The following EP400 variants were observed in gnomAD, a reference collection of about 807,000 sequenced individuals.
The protein encoded by EP400 is E1A-binding protein p400.
In EP400, 105 loss-of-function variants were observed where a neutral mutation model predicts 354.1. That is an observed-to-expected ratio of 0.30 (90% CI 0.25 to 0.35). EP400 has a LOEUF of 0.35. Ranked by LOEUF, EP400 falls within the 10% of genes least tolerant of loss-of-function variation. The pLI is 1.00. For missense variants in EP400, 3,280 were observed against 4,121.0 expected (o/e 0.80, Z 5.59); for synonymous variants, 1,646 against 1,716.9 (o/e 0.96, Z 1.02).
rs1363252492 is a variant in EP400 at position 131,961,904 on chromosome 12, G to C, written c.1285G>C (p.Glu429Gln). Residue 429 changes from glutamate to glutamine, a missense_variant, in exon 2 of 53, where the codon GAG becomes CAG. By Grantham distance (29) the Glu-to-Gln change is conservative (BLOSUM62 2). This residue lies in a region of EP400 where 800 missense variants were observed against 840.0 expected (regional missense o/e 0.95). Coordinates refer to ENST00000389561, the MANE Select transcript of EP400 (RefSeq NM_015409.5). ...GAATGATTTGGACATTGAAGAAGAG[G>C]AGGAGGAGGAGGAAGAGGAGGAAGA... Reference protein sequence around the residue: ...RQNDLDIEEEEEEEEEEEEKS... With the variant: ...RQNDLDIEEEQEEEEEEEEKS... 4 of 1,613,180 alleles carry C rather than the reference G, an allele frequency of 2.5e-6. No homozygotes were observed. Among genetic ancestry groups the C allele is most frequent in the Non-Finnish European group, 3.4e-6 (4 of 1,179,450 alleles).
In EP400 at chr12:132,033,644, G is replaced by A. The variant is rs533416142; in HGVS notation, c.5951+1495G>A. On this transcript the variant is annotated intron_variant, in intron 30 of 52. Transcript: ENST00000389561. Reference sequence around the variant, plus strand: ...TCTCCTAGGCTCAGGTAATCCTCCCGGCTCAGCCTCCCAAGTGGCTGGGAC... The same window carrying A: ...TCTCCTAGGCTCAGGTAATCCTCCCAGCTCAGCCTCCCAAGTGGCTGGGAC... Among the ~76,000 whole-genome samples, 24 of 151,544 alleles carry A rather than the reference G, an allele frequency of 1.6e-4. No individual in the cohort carries two copies. The East Asian group carries it at 1.9e-3, about 12-fold the overall frequency.
chr12:131,956,597 C>T (rs1006213187), intron 1 of EP400, among the ~76,000 whole-genome samples: 8 of 152,036 alleles, frequency 5.3e-5, no homozygotes, highest in African/African-American at 1.9e-4. Flanking sequence ...GGGTTCATTC[C>T]ACTTTCCTAC....
At chr12:132,072,136 C>T (rs748118749) in intron 51 of EP400, among the ~76,000 whole-genome samples, 1 of 152,188 alleles carries the variant, frequency 6.6e-6, no homozygotes, top group Non-Finnish European at 1.5e-5. Flanking sequence ...CTTGTCAGGT[C>T]TGTTTCTGAG....
At chr12:131,954,993 A>C (rs1243177558) in intron 1 of EP400, among the ~76,000 whole-genome samples, 1 of 152,200 alleles carries the variant, frequency 6.6e-6, no homozygotes. Flanking sequence ...ACTATACTGC[A>C]GCCTGGGTGA....
chr12:131,978,169 A>G (rs1566169421), intron 2 of EP400, among the ~76,000 whole-genome samples: 1 of 152,154 alleles, frequency 6.6e-6, no homozygotes, highest in African/African-American at 2.4e-5. Flanking sequence ...AAAAAACATG[A>G]TTTTTTACGA....
At chr12:131,951,973 A>G (rs1593303996) in intron 1 of EP400, among the ~76,000 whole-genome samples, 1 of 147,000 alleles carries the variant, frequency 6.8e-6, no homozygotes. Context: ...TTTAGTAGAG[A>G]GGGGGTTTCA....
rs1894339658 is a variant in EP400 at position 132,027,333 on chromosome 12, T to C, written c.5015-104T>C. ...CATGCCGTTGCAGAATGACTTTCTG[T>C]GGAGTGTGCTGGTGGAGGGTGAGGT... On this transcript the variant is annotated intron_variant, in intron 25 of 52. Transcript: ENST00000389561. The surrounding 1 kb of genome is among the most constrained non-coding windows in gnomAD (Gnocchi z 4.9). 1.8e-6 allele frequency: 2 copies of C among 1,116,562 alleles called. No individual in the cohort carries two copies. Among genetic ancestry groups the C allele is most frequent in the East Asian group, 2.4e-5 (1 of 41,246 alleles). 69.2% of individuals were successfully genotyped at this position (1,116,562 alleles called of 1,614,324 possible).
intron 7 of EP400, among the ~76,000 whole-genome samples, chr12:131,989,498 G>GT (rs2136502206): frequency 6.6e-6 from 1 of 152,350 alleles, no homozygotes; most frequent in African/African-American, 2.4e-5. Context: ...CCCATTTGAG[G>GT]TTCTGTTGGT....
intron 3 of EP400, among the ~76,000 whole-genome samples, chr12:131,981,119 G>A (rs1054601533): frequency 2.0e-5 from 3 of 152,140 alleles, no homozygotes; most frequent in Non-Finnish European, 4.4e-5. Context: ...CATTCCCTGT[G>A]TGCTGGGCAT....
chr12:131,996,349 T>G (rs562512356), intron 12 of EP400, among the ~76,000 whole-genome samples: 8 of 147,532 alleles, frequency 5.4e-5, no homozygotes, highest in Admixed American at 1.4e-4. Context: ...TGGAGTGCAG[T>G]GGCGTGATCT....
At chr12:131,970,970 G>A (rs944484592) in intron 2 of EP400, among the ~76,000 whole-genome samples, 3 of 152,146 alleles carry the variant, frequency 2.0e-5, no homozygotes, top group South Asian at 4.1e-4. Flanking sequence ...TGGAGAGGCC[G>A]AGGCTGTAGG....
chr12:132,069,731 C>G, intron 51 of EP400, 90 bp downstream of exon 51: 2 of 1,556,168 alleles, frequency 1.3e-6, no homozygotes, highest in Non-Finnish European at 1.7e-6. Flanking sequence ...GAGCTCCCAG[C>G]CCTTGCGGCT....
rs1239251596 is a variant in EP400 at position 132,031,883 on chromosome 12, T to C, written c.5755-70T>C. On this transcript the variant is annotated intron_variant, in intron 29 of 52. Transcript: ENST00000389561. Reference sequence around the variant, plus strand: ...TGTGGGATTATTTCTAATTAATAAATGTTGAAACGTGTCAAAGGTTTCCCA... The same window carrying C: ...TGTGGGATTATTTCTAATTAATAAACGTTGAAACGTGTCAAAGGTTTCCCA... 14 of 1,471,128 alleles carry C rather than the reference T, an allele frequency of 9.5e-6. No individual in the cohort carries two copies. The East Asian group carries it at 1.4e-4, about 15-fold the overall frequency. The allele number at this position is 1,471,128 out of a possible 1,614,324, so 91.1% of individuals were successfully genotyped here. A position where few individuals can be genotyped will look rare whatever the true frequency, so the allele number is the denominator to read the frequency against.
chr12:132,059,796 A>G (rs1895628261), intron 45 of EP400, among the ~76,000 whole-genome samples: 1 of 152,082 alleles, frequency 6.6e-6, no homozygotes, highest in African/African-American at 2.4e-5. Flanking sequence ...CGGGCGGATC[A>G]CGAGGTCAGG....
intron 14 of EP400, 93 bp downstream of exon 14, chr12:132,006,395 A>G: frequency 7.1e-7 from 1 of 1,418,036 alleles, no homozygotes; most frequent in Non-Finnish European, 9.5e-7. Flanking sequence ...TCCCAGTGAA[A>G]TGGTCTATCC....
chr12:131,998,094 C>T (rs1259970123), intron 12 of EP400, among the ~76,000 whole-genome samples: 3 of 152,204 alleles, frequency 2.0e-5, no homozygotes, highest in African/African-American at 7.2e-5. Context: ...AAACAGGTTT[C>T]CTTCTATGCA....
chr12:131,955,352 G>A (rs1397490670), intron 1 of EP400, among the ~76,000 whole-genome samples: 1 of 151,876 alleles, frequency 6.6e-6, no homozygotes, highest in Non-Finnish European at 1.5e-5. Flanking sequence ...GTGTGATCTT[G>A]GCTTACTGCA....
chr12:132,017,982 T>C lies in EP400; in HGVS notation c.4111-228T>C, dbSNP rs2136539052. On this transcript the variant is annotated intron_variant, in intron 20 of 52. Coordinates refer to ENST00000389561, the MANE Select transcript of EP400 (RefSeq NM_015409.5). This position sits in a 1 kb window ranked among gnomAD's most constrained non-coding sequence, Gnocchi z 5.0. ...GCAGGCTTTCTTGGCGTTGTGTGGA[T>C]TGTGGGCTGTGAGAAGTAGCTGAGC... is the stretch of plus-strand genomic sequence containing the variant. Among the ~76,000 whole-genome samples, 1 of 152,292 alleles carries C rather than the reference T, an allele frequency of 6.6e-6. No homozygotes were observed. The highest frequency in any genetic ancestry group is 1.9e-4 in the East Asian group (1 of 5,170).
rs139734785 is a variant in EP400 at position 131,977,037 on chromosome 12, G to A, written c.1336-2657G>A. 1.2e-4 allele frequency among the ~76,000 whole-genome samples: 19 copies of A among 152,278 alleles called. No individual in the cohort carries two copies. The East Asian group carries it at 1.5e-3, about 12-fold the overall frequency. The stretch of plus-strand genomic sequence containing the variant: ...TTACCGTGTTCTATTCCCTTCTTGC[G>A]AATATCACTTCCCTTCCTGTATCAC... On this transcript the variant is annotated intron_variant, in intron 2 of 52. Transcript: ENST00000389561.
Sources: allele counts gnomAD v4.1 joint callset (sites outside exome capture counted in the v4.1 genomes callset), GRCh38; gene constraint gnomAD v4.1.1; regional missense constraint gnomAD v4.1.1; non-coding constraint Gnocchi (gnomAD v3.1); transcripts MANE v1.5; gene names NCBI Gene and HGNC (gene_info 2026-07-23, HGNC 2026-07-21).